The following LYPLAL1 variants were observed in gnomAD, a reference collection of about 807,000 sequenced individuals.
LYPLAL1 encodes the protein lysophospholipase like 1, also known as lysophospholipase-like protein 1.
Under a neutral mutation model 19.7 loss-of-function variants are expected in LYPLAL1, and 23 were observed. That is an observed-to-expected ratio of 1.17 (90% CI 0.84 to 1.65). The LOEUF (loss-of-function observed/expected upper bound fraction) is 1.65. Among genes scored for constraint, LYPLAL1 ranks in the 40% most tolerant of loss-of-function variants. The pLI, the probability that LYPLAL1 is intolerant of heterozygous loss-of-function variation, is 0.00. For missense variants in LYPLAL1, 355 were observed against 279.4 expected (o/e 1.27, Z -1.93); for synonymous variants, 119 against 96.3 (o/e 1.24, Z -1.38).
At chr1:219,394,701 G>C in the LYPLAL1 span, among the ~76,000 whole-genome samples, 2 of 152,104 alleles carry the variant, frequency 1.3e-5, no homozygotes, top group African/African-American at 2.4e-5. Flanking sequence ...TGTCACAGGG[G>C]TTTGTTATAT....
chr1:219,341,222 T>C, the LYPLAL1 span, among the ~76,000 whole-genome samples: 1 of 152,154 alleles, frequency 6.6e-6, no homozygotes. Flanking sequence ...TTGTCTGATA[T>C]ATGTTTCACT....
chr1:219,332,832 C>G, the LYPLAL1 span, among the ~76,000 whole-genome samples: 2 of 145,866 alleles, frequency 1.4e-5, no homozygotes, highest in South Asian at 2.4e-4. Context: ...GCCCCCCCCC[C>G]CCAAATTAAA....
At chr1:219,344,692 T>G in the LYPLAL1 span, among the ~76,000 whole-genome samples, 1 of 152,192 alleles carries the variant, frequency 6.6e-6, no homozygotes. Flanking sequence ...GCTCTCCCTT[T>G]GACATCCCCA....
At chr1:219,380,453 A>C in the LYPLAL1 span, among the ~76,000 whole-genome samples, 1 of 152,226 alleles carries the variant, frequency 6.6e-6, no homozygotes, top group African/African-American at 2.4e-5. Flanking sequence ...TGTTGGCACC[A>C]TTAGTCTTGT....
At chr1:219,296,675 T>A in the LYPLAL1 span, among the ~76,000 whole-genome samples, 8 of 152,296 alleles carry the variant, frequency 5.3e-5, no homozygotes, top group African/African-American at 1.9e-4. Flanking sequence ...TTTAAAAAAA[T>A]TATGATTTAA....
chr1:219,306,179 GAA>G, the LYPLAL1 span, among the ~76,000 whole-genome samples: 4 of 152,098 alleles, frequency 2.6e-5, no homozygotes, highest in Admixed American at 2.6e-4. Context: ...AATACTTTTG[GAA>G]AATCTCTTTG....
Position 219,189,742 on chromosome 1 carries a change from C to G in LYPLAL1, c.192-3340C>G, listed in dbSNP as rs530040905. 5.9e-5 allele frequency among the ~76,000 whole-genome samples: 9 copies of G among 151,632 alleles called. No homozygotes were observed. The South Asian group carries it at 1.9e-3, about 31-fold the overall frequency. On this transcript the variant is annotated intron_variant, in intron 2 of 4. Coordinates refer to ENST00000366928, the MANE Select transcript of LYPLAL1 (RefSeq NM_138794.5). ...AGCTCAGTCTGCAAAAATCTGCCCT[C>G]CTCATAGGTTTATGTCATAAAATGT...
At chr1:219,363,251 A>G in the LYPLAL1 span, among the ~76,000 whole-genome samples, 5 of 152,152 alleles carry the variant, frequency 3.3e-5, no homozygotes, top group African/African-American at 1.2e-4. Flanking sequence ...TTTCCTCTTC[A>G]TAATCAATTA....
chr1:219,432,904 C>A, the LYPLAL1 span, among the ~76,000 whole-genome samples: 2 of 152,182 alleles, frequency 1.3e-5, no homozygotes, highest in African/African-American at 2.4e-5. Flanking sequence ...AATACTCACA[C>A]ATACAACAGG....
At chr1:219,421,392 G>A in the LYPLAL1 span, among the ~76,000 whole-genome samples, 5 of 152,168 alleles carry the variant, frequency 3.3e-5, no homozygotes, top group Admixed American at 6.5e-5. Context: ...GAGAACCCTG[G>A]AGGGTCAGCC....
chr1:219,280,477 A>C, the LYPLAL1 span, among the ~76,000 whole-genome samples: 2 of 152,096 alleles, frequency 1.3e-5, no homozygotes, highest in African/African-American at 4.8e-5. Flanking sequence ...TTTTTGAGAT[A>C]TATACAGGTG....
the LYPLAL1 span, among the ~76,000 whole-genome samples, chr1:219,346,739 A>G: frequency 6.6e-6 from 1 of 152,112 alleles, no homozygotes; most frequent in Non-Finnish European, 1.5e-5. Context: ...GTAGCCCCAT[A>G]AGTGGGGGGC....
At chr1:219,230,999 T>G in the LYPLAL1 span, among the ~76,000 whole-genome samples, 2 of 152,340 alleles carry the variant, frequency 1.3e-5, no homozygotes, top group South Asian at 4.1e-4. Context: ...AAAAATTACT[T>G]GTCAAAATGT....
the LYPLAL1 span, among the ~76,000 whole-genome samples, chr1:219,238,304 ATT>A: frequency 1.5e-4 from 12 of 81,876 alleles, no homozygotes; most frequent in East Asian, 1.3e-3. Context: ...CGCCCGGCTA[ATT>A]TTTTTTTTTT....
the LYPLAL1 span, among the ~76,000 whole-genome samples, chr1:219,229,906 AC>A: frequency 3.9e-5 from 6 of 152,120 alleles, no homozygotes; most frequent in African/African-American, 1.4e-4. Context: ...AGGGCAAAAT[AC>A]CCTTTCAAAA....
chr1:219,250,053 A>G, the LYPLAL1 span, among the ~76,000 whole-genome samples: 1 of 151,918 alleles, frequency 6.6e-6, no homozygotes, highest in Non-Finnish European at 1.5e-5. Flanking sequence ...TTTCTTGTTT[A>G]TGTTTAGCAT....
chr1:219,257,362 T>TTTG, the LYPLAL1 span, among the ~76,000 whole-genome samples: 4 of 43,760 alleles, frequency 9.1e-5, no homozygotes, highest in Non-Finnish European at 1.6e-4. Flanking sequence ...AGTTTTTGTT[T>TTTG]TTTTTTTTTT....
the LYPLAL1 span, among the ~76,000 whole-genome samples, chr1:219,424,081 A>C: frequency 6.6e-6 from 1 of 150,636 alleles, no homozygotes; most frequent in African/African-American, 2.4e-5. Flanking sequence ...TTATACAGAA[A>C]ATAATTAAGA....
At chr1:219,284,245 G>A in the LYPLAL1 span, among the ~76,000 whole-genome samples, 1 of 152,116 alleles carries the variant, frequency 6.6e-6, no homozygotes, top group African/African-American at 2.4e-5. Context: ...ACCAGTCTTG[G>A]GTAGTATCTT....
Sources: gnomAD v4.1 joint callset for allele counts (sites outside exome capture counted in the v4.1 genomes callset) on GRCh38, gnomAD v4.1.1 for gene constraint, MANE v1.5 for transcripts, NCBI Gene and HGNC (gene_info 2026-07-23, HGNC 2026-07-21) for gene names.